Variants in ELL observed in about 807,000 individuals in gnomAD.
The protein encoded by ELL is RNA polymerase II elongation factor ELL.
In ELL, 18 loss-of-function variants were observed where a neutral mutation model predicts 64.0. That is an observed-to-expected ratio of 0.28 (90% CI 0.19 to 0.42). The LOEUF is 0.42. Ranked by LOEUF, ELL falls within the 10% of genes least tolerant of loss-of-function variation. The probability of loss-of-function intolerance (pLI) is 1.00; values close to 1 mark genes in which losing one functional copy is unlikely to be tolerated. For missense variants in ELL, 797 were observed against 870.4 expected, an observed-to-expected ratio of 0.92 and a Z score of 1.06; for synonymous variants, 399 against 376.2, an observed-to-expected ratio of 1.06 and a Z score of -0.70.
intron 4 of ELL, among the ~76,000 whole-genome samples, chr19:18,465,202 C>T (rs1202947457): frequency 6.6e-6 from 1 of 152,262 alleles, no homozygotes; most frequent in Non-Finnish European, 1.5e-5. Context: ...AACCCCCTAT[C>T]CCTCACATAG....
intron 1 of ELL, among the ~76,000 whole-genome samples, chr19:18,518,871 T>C (rs554915809): frequency 3.2e-4 from 49 of 151,874 alleles, no homozygotes; most frequent in African/African-American, 1.1e-3. Flanking sequence ...TGCTGCGCCT[T>C]TACCTTCCAC....
chr19:18,444,695 C>G lies in ELL; in HGVS notation c.*57G>C. ...GGGTTTATTTTTTTAAATAAATCCT[C>G]TCTCACCGCCTTTTGCTCCCCCGAC... On this transcript the variant is annotated 3_prime_UTR_variant, in exon 12 of 12. Transcript: ENST00000262809. 1 of 1,490,684 alleles carries G rather than the reference C, an allele frequency of 6.7e-7. No individual in the cohort carries two copies. The highest frequency in any genetic ancestry group is 9.0e-7 in the Non-Finnish European group (1 of 1,107,026). 92.3% of individuals were successfully genotyped at this position (1,490,684 alleles called of 1,614,324 possible).
At chr19:18,474,448 G>A (rs1192553587) in intron 1 of ELL, among the ~76,000 whole-genome samples, 1 of 152,228 alleles carries the variant, frequency 6.6e-6, no homozygotes, top group East Asian at 1.9e-4. Flanking sequence ...AGAACAGAGG[G>A]ATGGTGCCCC....
chr19:18,512,172 A>C (rs929996619), intron 1 of ELL, among the ~76,000 whole-genome samples: 2 of 151,702 alleles, frequency 1.3e-5, no homozygotes, highest in Non-Finnish European at 2.9e-5. Flanking sequence ...AAAAAGAAAA[A>C]AAATTAGTTG....
intron 6 of ELL, among the ~76,000 whole-genome samples, chr19:18,457,381 G>A (rs994425264): frequency 4.6e-5 from 7 of 152,116 alleles, no homozygotes; most frequent in Non-Finnish European, 7.4e-5. Context: ...TGTGCCCTCC[G>A]CCAGCCTGCC....
chr19:18,465,117 C>G (rs1315166087), intron 4 of ELL, among the ~76,000 whole-genome samples: 1 of 152,220 alleles, frequency 6.6e-6, no homozygotes, highest in African/African-American at 2.4e-5. Context: ...GCAGGGACCA[C>G]CAACTCACAG....
intron 6 of ELL, among the ~76,000 whole-genome samples, chr19:18,454,677 C>G (rs1017486627): frequency 5.4e-5 from 8 of 147,778 alleles, no homozygotes; most frequent in Middle Eastern, 3.5e-3. Context: ...CCTGTCTCTA[C>G]TTAAAAATAC....
intron 1 of ELL, among the ~76,000 whole-genome samples, chr19:18,500,341 T>C (rs1340648273): frequency 2.0e-5 from 3 of 151,754 alleles, no homozygotes; most frequent in African/African-American, 7.3e-5. Context: ...GGTGTGACCA[T>C]GAGGCTTCCT....
intron 4 of ELL, among the ~76,000 whole-genome samples, chr19:18,462,237 C>T (rs1435285829): frequency 1.5e-5 from 2 of 135,844 alleles, no homozygotes; most frequent in Admixed American, 7.5e-5. Flanking sequence ...ATCACCTGAT[C>T]ACTCTGGTGG....
At chr19:18,445,497 T>G (rs1974392721) in intron 10 of ELL, 1 of 241,866 alleles carries the variant, frequency 4.1e-6, no homozygotes. Context: ...GGGGCACTGC[T>G]GTTGTGGGGG....
intron 8 of ELL, among the ~76,000 whole-genome samples, chr19:18,447,730 GCTTT>G (rs1974446456): frequency 6.6e-6 from 1 of 152,114 alleles, no homozygotes; most frequent in Non-Finnish European, 1.5e-5. Flanking sequence ...TCTTGCAGTG[GCTTT>G]CTTTCCGATA....
At position 18,445,259 on chromosome 19, in the gene ELL, C is replaced by G; in HGVS notation, c.1714G>C (p.Gly572Arg). 1 of 1,613,964 alleles carries G rather than the reference C, an allele frequency of 6.2e-7. No individual in the cohort carries two copies. Among genetic ancestry groups the G allele is most frequent in the South Asian group, 1.1e-5 (1 of 91,086 alleles). Reference protein sequence around the residue: ...QGSEEYETTRGQILQEYRKIK... With the variant: ...QGSEEYETTRRQILQEYRKIK... ...TTTCGATATTCCTGCAAAATCTGCC[C>G]TCGAGTAGTCTAGAAGAAAAACAAA... The change falls in exon 11 of 12, where the codon GGG (glycine) becomes CGG (arginine). Residue 572 changes from glycine (G) to arginine (R), a missense_variant. Coordinates refer to ENST00000262809, the MANE Select transcript of ELL (RefSeq NM_006532.4).
chr19:18,444,907 C>G (rs1196744275), intron 11 of ELL, 39 bp from the exon 12 acceptor site: 1 of 1,580,362 alleles, frequency 6.3e-7, no homozygotes, highest in Admixed American at 1.7e-5. Flanking sequence ...CAGAGCCGCC[C>G]TGGGTGCTGC....
intron 6 of ELL, among the ~76,000 whole-genome samples, chr19:18,454,506 T>G (rs545779462): frequency 1.4e-4 from 20 of 147,712 alleles, no homozygotes; most frequent in Admixed American, 1.3e-3. Flanking sequence ...TCAAAATAAA[T>G]AAAGAAATAA....
At chr19:18,496,712 G>T (rs1035274944) in intron 1 of ELL, among the ~76,000 whole-genome samples, 3 of 152,206 alleles carry the variant, frequency 2.0e-5, no homozygotes, top group African/African-American at 7.2e-5. Context: ...GTGCGGACTG[G>T]GGGAGGTCCT....
At chr19:18,492,174 C>T (rs180803230) in intron 1 of ELL, among the ~76,000 whole-genome samples, 3 of 152,264 alleles carry the variant, frequency 2.0e-5, no homozygotes, top group Non-Finnish European at 4.4e-5. Context: ...AGGCTCCACC[C>T]GGCCTGTTCT....
chr19:18,469,474 A>G (rs1216836929), intron 2 of ELL, among the ~76,000 whole-genome samples: 2 of 152,232 alleles, frequency 1.3e-5, no homozygotes, highest in East Asian at 3.8e-4. Context: ...GCCCCTGCTC[A>G]GCCTTCTGAA....
At chr19:18,463,367 C>T (rs1163677003) in intron 4 of ELL, among the ~76,000 whole-genome samples, 1 of 131,494 alleles carries the variant, frequency 7.6e-6, no homozygotes, top group African/African-American at 3.0e-5. Flanking sequence ...CAGAGTCTCA[C>T]TCTGTTGCGC....
chr19:18,520,074 G>A (rs908062369), intron 1 of ELL, among the ~76,000 whole-genome samples: 6 of 152,188 alleles, frequency 3.9e-5, no homozygotes, highest in Admixed American at 3.3e-4. Context: ...CCAGCTTAGA[G>A]AGGGGATGTA....
Sources: allele counts gnomAD v4.1 joint callset (sites outside exome capture counted in the v4.1 genomes callset), GRCh38; gene constraint gnomAD v4.1.1; transcripts MANE v1.5; gene names NCBI Gene and HGNC (gene_info 2026-07-23, HGNC 2026-07-21).